Variants in GATB observed in about 807,000 individuals in gnomAD.
GATB encodes the protein glutamyl-tRNA amidotransferase subunit B.
In GATB, 39 loss-of-function variants were observed where a neutral mutation model predicts 62.3. The observed-to-expected ratio is 0.63, with a 90% CI of 0.48 to 0.82. The LOEUF (loss-of-function observed/expected upper bound fraction) is 0.82. Ranked by LOEUF, GATB falls within the 40% of genes least tolerant of loss-of-function variation. The pLI, the probability that GATB is intolerant of heterozygous loss-of-function variation, is 0.00. For synonymous variants in GATB, 276 were observed against 258.9 expected (o/e 1.07, Z -0.63); for missense variants, 670 against 684.0 (o/e 0.98, Z 0.23).
intron 2 of GATB, among the ~76,000 whole-genome samples, chr4:151,753,393 C>T (rs765409072): frequency 9.2e-5 from 14 of 152,280 alleles, no homozygotes; most frequent in Non-Finnish European, 1.9e-4. Context: ...TCTCAGTTCT[C>T]GCTAGTGTCC....
intron 2 of GATB, among the ~76,000 whole-genome samples, chr4:151,750,104 A>G (rs1739687861): frequency 6.6e-6 from 1 of 152,078 alleles, no homozygotes; most frequent in Non-Finnish European, 1.5e-5. Context: ...GATGGTCTCA[A>G]TCTCCTGACC....
chr4:151,725,239 G>C (rs989550038), intron 2 of GATB, among the ~76,000 whole-genome samples: 2 of 152,236 alleles, frequency 1.3e-5, no homozygotes, highest in South Asian at 2.1e-4. Flanking sequence ...CCTACCTCTA[G>C]TCTTCTATCA....
At chr4:151,684,595 G>A (rs1738207043) in intron 10 of GATB, among the ~76,000 whole-genome samples, 2 of 152,214 alleles carry the variant, frequency 1.3e-5, no homozygotes, top group Admixed American at 6.5e-5. Context: ...AGCTGAGGCT[G>A]TTCATTAATT....
Position 151,678,841 on chromosome 4 carries a change from A to C in GATB, c.1410+972T>G, listed in dbSNP as rs371681159. Among the ~76,000 whole-genome samples the C allele has an allele frequency of 3.6e-3, 543 of 152,266 alleles. 20 individuals carry two copies. The South Asian group carries it at 0.11, about 30-fold the overall frequency. ...GACAGCTGCGATCACTGAAGCTGAG[A>C]TGAGGCAGCCACCTTGGTGTTCTTG... On this transcript the variant is annotated intron_variant, in intron 11 of 12. Coordinates refer to ENST00000263985, the MANE Select transcript of GATB (RefSeq NM_004564.3).
intron 2 of GATB, among the ~76,000 whole-genome samples, chr4:151,750,182 CTAACT>C (rs1467275790): frequency 2.0e-5 from 3 of 152,292 alleles, no homozygotes; most frequent in African/African-American, 7.2e-5. Flanking sequence ...CGCCCAGCCC[CTAACT>C]TAAGTTTTTT....
At chr4:151,711,818 G>A (rs1359093324) in intron 5 of GATB, among the ~76,000 whole-genome samples, 4 of 152,192 alleles carry the variant, frequency 2.6e-5, no homozygotes, top group African/African-American at 7.2e-5. Context: ...CTTATTGAGC[G>A]ACGAATGCCA....
intron 2 of GATB, among the ~76,000 whole-genome samples, chr4:151,753,986 G>A (rs141334761): frequency 6.6e-6 from 1 of 152,240 alleles, no homozygotes; most frequent in Non-Finnish European, 1.5e-5. Flanking sequence ...AACTGTTCTT[G>A]CAAAGGATAC....
intron 2 of GATB, among the ~76,000 whole-genome samples, chr4:151,737,866 C>T (rs1459374079): frequency 1.3e-5 from 2 of 152,164 alleles, no homozygotes; most frequent in African/African-American, 4.8e-5. Context: ...AGTCAAGAAC[C>T]AAGGTTTGGG....
chr4:151,725,104 G>C (rs373043230), intron 2 of GATB, among the ~76,000 whole-genome samples: 26 of 152,342 alleles, frequency 1.7e-4, no homozygotes, highest in African/African-American at 5.8e-4. Flanking sequence ...CCTATCACAG[G>C]GTATTGGGGC....
At chr4:151,734,233 G>T (rs924006440) in intron 2 of GATB, among the ~76,000 whole-genome samples, 2 of 151,672 alleles carry the variant, frequency 1.3e-5, no homozygotes. Flanking sequence ...ACTGATAAAA[G>T]AATTCAGCAA....
chr4:151,682,582 T>C (rs530553654), intron 10 of GATB, among the ~76,000 whole-genome samples: 2 of 152,124 alleles, frequency 1.3e-5, no homozygotes, highest in African/African-American at 4.8e-5. Flanking sequence ...GGAAAGGGGC[T>C]CTTTCAAAGC....
At position 151,705,176 on chromosome 4, in the gene GATB, C is replaced by A. The variant is rs186432561; in HGVS notation, c.962+9G>T. The stretch of plus-strand genomic sequence containing the variant: ...GCTGTGGTCAGGACGCTCAGCAATG[C>A]GAACTCACCCCAGCTTGTGATGAAA... On this transcript the variant is annotated intron_variant, in intron 7 of 12. Transcript: ENST00000263985. The A allele has an allele frequency of 6.2e-7, 1 of 1,605,548 alleles. No homozygotes were observed. Among genetic ancestry groups the A allele is most frequent in the Admixed American group, 1.7e-5 (1 of 59,946 alleles).
At chr4:151,718,011 G>C (rs1002447770) in intron 3 of GATB, among the ~76,000 whole-genome samples, 1 of 152,172 alleles carries the variant, frequency 6.6e-6, no homozygotes, top group Non-Finnish European at 1.5e-5. Context: ...TCCAAAATCC[G>C]TGTCTTTCAC....
Position 151,708,121 on chromosome 4 carries a change from C to T in GATB, c.764-20G>A, listed in dbSNP as rs145107785. ...GGCCCTCTGGAAGGAGAGAAGAAAA[C>T]AACTCCTTAGAAATTCTTTGAGGTG... is the stretch of plus-strand genomic sequence containing the variant. On this transcript the variant is annotated intron_variant, in intron 5 of 12. Transcript: ENST00000263985. 2.8e-5 allele frequency: 42 copies of T among 1,511,346 alleles called. No individual in the cohort carries two copies. The African/African-American group carries it at 5.1e-4, about 18-fold the overall frequency. The allele number at this position is 1,511,346 out of a possible 1,614,324, so 93.6% of individuals were successfully genotyped here. A position where few individuals can be genotyped will look rare whatever the true frequency, so the allele number is the denominator to read the frequency against.
chr4:151,728,984 A>G (rs182224055), intron 2 of GATB, among the ~76,000 whole-genome samples: 2 of 152,316 alleles, frequency 1.3e-5, no homozygotes, highest in African/African-American at 2.4e-5. Flanking sequence ...TGCACCTGCT[A>G]TATATTCACC....
intron 11 of GATB, chr4:151,674,952 G>A (rs1290906808): frequency 6.6e-6 from 1 of 152,232 alleles, no homozygotes; most frequent in African/African-American, 2.4e-5. Context: ...CACAGACCAG[G>A]GAGCGATTTC....
At chr4:151,698,723 T>A (rs1205374080) in intron 9 of GATB, among the ~76,000 whole-genome samples, 2 of 152,080 alleles carry the variant, frequency 1.3e-5, no homozygotes, top group African/African-American at 4.8e-5. Context: ...TCCATTCCTA[T>A]CTCATTCTAA....
At chr4:151,680,896 G>C (rs1738125320) in intron 10 of GATB, among the ~76,000 whole-genome samples, 1 of 152,168 alleles carries the variant, frequency 6.6e-6, no homozygotes, top group Non-Finnish European at 1.5e-5. Flanking sequence ...TGGATTTCCA[G>C]GTTAGGGATA....
chr4:151,727,962 T>C (rs1178561421), intron 2 of GATB, among the ~76,000 whole-genome samples: 1 of 152,168 alleles, frequency 6.6e-6, no homozygotes, highest in African/African-American at 2.4e-5. Flanking sequence ...GGATTTATAA[T>C]CCAAAATAAG....
Sources: gnomAD v4.1 joint callset for allele counts (sites outside exome capture counted in the v4.1 genomes callset) on GRCh38, gnomAD v4.1.1 for gene constraint, MANE v1.5 for transcripts, NCBI Gene and HGNC (gene_info 2026-07-23, HGNC 2026-07-21) for gene names.